SHISA9: variants seen among roughly 807,000 people sequenced by gnomAD.
SHISA9 encodes shisa family member 9, also known as protein shisa-9.
Under a neutral mutation model 38.0 loss-of-function variants are expected in SHISA9, and 13 were observed. The ratio of observed to expected loss-of-function variants is 0.34; its 90% confidence interval spans 0.22 to 0.54. SHISA9 has a LOEUF of 0.54. Ranked by LOEUF, SHISA9 falls within the 20% of genes least tolerant of loss-of-function variation. SHISA9 has a pLI of 0.91. For missense variants in SHISA9, 538 were observed against 575.8 expected, an observed-to-expected ratio of 0.93 and a Z score of 0.67; for synonymous variants, 275 against 242.0, an observed-to-expected ratio of 1.14 and a Z score of -1.27.
At chr16:13,469,358 G>GAAAGA in the SHISA9 span, among the ~76,000 whole-genome samples, 2 of 67,516 alleles carry the variant, frequency 3.0e-5, no homozygotes, top group Admixed American at 1.6e-4. Context: ...AAGAAAGAAA[G>GAAAGA]AAAAGAAAAA....
chr16:13,450,751 G>A, the SHISA9 span, among the ~76,000 whole-genome samples: 1 of 152,178 alleles, frequency 6.6e-6, no homozygotes, highest in Admixed American at 6.5e-5. Flanking sequence ...CTCTGTCTGA[G>A]CTCAAAATCT....
At chr16:13,120,318 C>G (rs74012279) in intron 2 of SHISA9, among the ~76,000 whole-genome samples, 3,856 of 152,222 alleles carry the variant, frequency 0.025, 88 homozygotes, top group East Asian at 0.053. Context: ...TTTGGCTTAT[C>G]TGCAAGGACC....
At chr16:12,988,166 C>A (rs1324685734) in intron 2 of SHISA9, among the ~76,000 whole-genome samples, 1 of 152,232 alleles carries the variant, frequency 6.6e-6, no homozygotes, top group Non-Finnish European at 1.5e-5. Flanking sequence ...CCACAACAGG[C>A]ACTGTGACAT....
At chr16:13,034,038 G>A (rs186231094) in intron 2 of SHISA9, among the ~76,000 whole-genome samples, 402 of 152,070 alleles carry the variant, frequency 2.6e-3, no homozygotes, top group African/African-American at 8.8e-3. Context: ...GCAGCTACTC[G>A]GGAGGCTGAG....
the SHISA9 span, among the ~76,000 whole-genome samples, chr16:13,420,244 T>TAAA: frequency 3.4e-4 from 1 of 2,938 alleles, no homozygotes; most frequent in Non-Finnish European, 1.1e-3. Flanking sequence ...AGAATCTGTT[T>TAAA]CAAAAAAAAA....
intron 2 of SHISA9, among the ~76,000 whole-genome samples, chr16:13,107,971 G>C (rs2073943126): frequency 6.6e-6 from 1 of 152,130 alleles, no homozygotes; most frequent in Admixed American, 6.5e-5. Flanking sequence ...TTTTTAAAGG[G>C]AGTGTTATGG....
the SHISA9 span, among the ~76,000 whole-genome samples, chr16:13,342,627 G>A: frequency 6.6e-6 from 1 of 152,084 alleles, no homozygotes; most frequent in Non-Finnish European, 1.5e-5. Flanking sequence ...TGATCTTTAA[G>A]GCAACAAACT....
chr16:13,320,331 C>T, the SHISA9 span, among the ~76,000 whole-genome samples: 2 of 112,930 alleles, frequency 1.8e-5, no homozygotes, highest in East Asian at 5.8e-4. Flanking sequence ...GTAGGCAAAA[C>T]AGCAATAGGC....
intron 2 of SHISA9, among the ~76,000 whole-genome samples, chr16:13,090,733 A>G (rs540493025): frequency 1.1e-3 from 163 of 152,320 alleles, no homozygotes; most frequent in African/African-American, 3.5e-3. Context: ...TACAGCACAC[A>G]GATGGGTCTT....
At chr16:13,028,928 C>G (rs1265425223) in intron 2 of SHISA9, among the ~76,000 whole-genome samples, 1 of 152,050 alleles carries the variant, frequency 6.6e-6, no homozygotes, top group Non-Finnish European at 1.5e-5. Context: ...GGGGACGAGT[C>G]CTTCCCTGAA....
chr16:13,477,730 C>T, the SHISA9 span, among the ~76,000 whole-genome samples: 7 of 152,116 alleles, frequency 4.6e-5, no homozygotes, highest in East Asian at 3.9e-4. Flanking sequence ...TTTGGGAGGC[C>T]GAGGCAGGTG....
At chr16:13,420,273 A>AAAAAAAAAG in the SHISA9 span, among the ~76,000 whole-genome samples, 3 of 146,764 alleles carry the variant, frequency 2.0e-5, no homozygotes, top group Non-Finnish European at 3.0e-5. Flanking sequence ...AAAAAAAAAA[A>AAAAAAAAAG]GGTTTTTTGC....
At chr16:13,506,750 C>T in the SHISA9 span, among the ~76,000 whole-genome samples, 1 of 152,120 alleles carries the variant, frequency 6.6e-6, no homozygotes, top group Admixed American at 6.6e-5. Flanking sequence ...TCTTAAAGAT[C>T]TGGCTTGAGA....
At chr16:13,497,615 G>A in the SHISA9 span, among the ~76,000 whole-genome samples, 5 of 150,646 alleles carry the variant, frequency 3.3e-5, no homozygotes, top group Non-Finnish European at 7.4e-5. Flanking sequence ...AACCCGGCAG[G>A]TGGAGGTTGC....
At chr16:13,197,557 A>G (rs2050959005) in intron 2 of SHISA9, 1 of 109,298 alleles carries the variant, frequency 9.1e-6, no homozygotes, top group Admixed American at 9.1e-5. Flanking sequence ...TTGTATCTTA[A>G]CCTTCTTTGA....
chr16:13,019,086 A>G (rs1596588404), intron 2 of SHISA9, among the ~76,000 whole-genome samples: 1 of 151,446 alleles, frequency 6.6e-6, no homozygotes, highest in Non-Finnish European at 1.5e-5. Context: ...TGCAACCTCC[A>G]CCTCCCCAGT....
intron 2 of SHISA9, among the ~76,000 whole-genome samples, chr16:13,194,520 G>A (rs930592399): frequency 1.8e-4 from 28 of 152,140 alleles, no homozygotes; most frequent in African/African-American, 6.5e-4. Flanking sequence ...GGGATAATTC[G>A]ATTAGCTAGT....
At chr16:13,450,822 A>T in the SHISA9 span, among the ~76,000 whole-genome samples, 1 of 152,180 alleles carries the variant, frequency 6.6e-6, no homozygotes, top group African/African-American at 2.4e-5. Flanking sequence ...TGTGCTAGCG[A>T]TCTGCCCTAT....
At chr16:13,288,692 G>T in the SHISA9 span, among the ~76,000 whole-genome samples, 1 of 152,150 alleles carries the variant, frequency 6.6e-6, no homozygotes, top group Non-Finnish European at 1.5e-5. Flanking sequence ...TGCCTGGGAG[G>T]GTGAGGCAGA....
Sources: allele counts gnomAD v4.1 joint callset (sites outside exome capture counted in the v4.1 genomes callset), GRCh38; gene constraint gnomAD v4.1.1; transcripts MANE v1.5; gene names NCBI Gene and HGNC (gene_info 2026-07-23, HGNC 2026-07-21).